Variants in YES1 observed in about 807,000 individuals in gnomAD.
YES1 encodes the protein tyrosine-protein kinase Yes.
In YES1, 39 loss-of-function variants were observed where a neutral mutation model predicts 70.4. The ratio of observed to expected loss-of-function variants is 0.55; its 90% CI spans 0.43 to 0.72. The LOEUF (loss-of-function observed/expected upper bound fraction) is 0.72, where lower values mean the gene tolerates loss of function less well. YES1 is among the 30% of genes least tolerant of loss of function. The probability of loss-of-function intolerance (pLI) is 0.00; values close to 1 mark genes in which losing one functional copy is unlikely to be tolerated. For missense variants in YES1, 495 were observed against 644.8 expected (o/e 0.77, Z 2.52); for synonymous variants, 198 against 218.6 (o/e 0.91, Z 0.83).
chr18:807,057 C>T (rs897493500), intron 1 of YES1, among the ~76,000 whole-genome samples: 2 of 152,148 alleles, frequency 1.3e-5, no homozygotes, highest in Non-Finnish European at 2.9e-5. Context: ...ACTGCTGGAG[C>T]CTAAGAATTT....
At chr18:773,346 C>G (rs773163621) in intron 1 of YES1, among the ~76,000 whole-genome samples, 1 of 152,252 alleles carries the variant, frequency 6.6e-6, no homozygotes, top group South Asian at 2.1e-4. Context: ...TCCTGGATAA[C>G]GGGCAAGAGA....
intron 1 of YES1, among the ~76,000 whole-genome samples, chr18:760,441 G>C (rs1322518197): frequency 6.6e-5 from 10 of 152,120 alleles, no homozygotes; most frequent in African/African-American, 2.4e-4. Context: ...CTGCACTCCA[G>C]CCTGGGTGAA....
chr18:771,151 G>C (rs538442119), intron 1 of YES1, among the ~76,000 whole-genome samples: 2 of 151,788 alleles, frequency 1.3e-5, no homozygotes, highest in African/African-American at 2.4e-5. Context: ...GATCACTTGA[G>C]GTCTCAGGAG....
intron 9 of YES1, chr18:739,493 C>A: frequency 2.9e-6 from 1 of 342,778 alleles, no homozygotes; most frequent in Non-Finnish European, 5.2e-6. Context: ...GTCCTAGCTA[C>A]CCAGGAGGCT....
At chr18:793,754 A>G (rs1461349833) in intron 1 of YES1, among the ~76,000 whole-genome samples, 1 of 152,214 alleles carries the variant, frequency 6.6e-6, no homozygotes, top group Non-Finnish European at 1.5e-5. Flanking sequence ...AATATACCAA[A>G]AATAGTTATA....
intron 10 of YES1, chr18:735,758 C>T (rs528868362): frequency 3.3e-5 from 5 of 152,156 alleles, no homozygotes; most frequent in African/African-American, 1.2e-4. Flanking sequence ...GGGTACAGTG[C>T]AAGATGCTTG....
intron 1 of YES1, among the ~76,000 whole-genome samples, chr18:802,020 T>G (rs1196476771): frequency 6.6e-6 from 1 of 152,230 alleles, no homozygotes; most frequent in Non-Finnish European, 1.5e-5. Context: ...TCTTTTTCAG[T>G]TAATGAATAT....
At chr18:767,195 G>A (rs957727806) in intron 1 of YES1, among the ~76,000 whole-genome samples, 2 of 152,052 alleles carry the variant, frequency 1.3e-5, no homozygotes, top group African/African-American at 4.8e-5. Flanking sequence ...GGCTACTCTG[G>A]CTGGAGTACA....
intron 1 of YES1, among the ~76,000 whole-genome samples, chr18:800,675 A>T (rs986917314): frequency 6.6e-6 from 1 of 152,242 alleles, no homozygotes; most frequent in African/African-American, 2.4e-5. Flanking sequence ...AACTTGACAC[A>T]GTGGCAAAAG....
In YES1 at chr18:804,534, C is replaced by T. The variant is rs181325224; in HGVS notation, c.-9+7580G>A. ...TGAGGCAGGGAGAATTGCTTGAACC[C>T]GGGAGGCAGAGGTTGCAGTGAGCCG... On this transcript the variant is annotated intron_variant, in intron 1 of 11. Coordinates refer to ENST00000314574, the MANE Select transcript of YES1 (RefSeq NM_005433.4). Among the ~76,000 whole-genome samples the T allele has an allele frequency of 1.8e-3, 238 of 136,000 alleles. 1 individual carries two copies. Among genetic ancestry groups the T allele is most frequent in the South Asian group, 5.3e-3 (20 of 3,784 alleles). 89.2% of individuals were successfully genotyped at this position (136,000 alleles called of 152,430 possible). A position where few individuals can be genotyped will look rare whatever the true frequency, so the allele number is the denominator to read the frequency against.
At chr18:808,568 T>C (rs374303694) in intron 1 of YES1, among the ~76,000 whole-genome samples, 6 of 152,362 alleles carry the variant, frequency 3.9e-5, no homozygotes, top group South Asian at 2.1e-4. Flanking sequence ...ACCTAAGCCA[T>C]GTAGGGTTCT....
rs869223956 is a variant in YES1, at chr18:729,619, CTTTTTTTTTTTT to C, written c.1423+3203_1423+3214del. ...AGAGTCTGCTCCTATTGATTTTGAACTTTTTTTTTTTTTTTTTTTTTTTTTGAGACAGAGTCT... is the reference window on the plus strand; with the variant it reads ...AGAGTCTGCTCCTATTGATTTTGAACTTTTTTTTTTTTTGAGACAGAGTCT... On this transcript the variant is annotated intron_variant, in intron 11 of 11. Coordinates refer to ENST00000314574, the MANE Select transcript of YES1 (RefSeq NM_005433.4). Among the ~76,000 whole-genome samples the C allele has an allele frequency of 6.2e-3, 465 of 75,486 alleles. 3 individuals are homozygous for C. Among genetic ancestry groups the C allele is most frequent in the African/African-American group, 0.026 (438 of 17,176 alleles). The allele number at this position is 75,486 out of a possible 152,430, so 49.5% of individuals were successfully genotyped here. A position where few individuals can be genotyped will look rare whatever the true frequency, so the allele number is the denominator to read the frequency against.
intron 11 of YES1, among the ~76,000 whole-genome samples, chr18:731,966 CAAAAAAAA>C (rs1165333694): frequency 6.3e-5 from 5 of 79,968 alleles, no homozygotes; most frequent in African/African-American, 2.0e-4. Context: ...GACTCCATTT[CAAAAAAAA>C]AAAAAAAAAA....
At chr18:785,755 G>A (rs1173894792) in intron 1 of YES1, among the ~76,000 whole-genome samples, 1 of 151,142 alleles carries the variant, frequency 6.6e-6, no homozygotes, top group Non-Finnish European at 1.5e-5. Flanking sequence ...TCTAAGCCCA[G>A]TGAGACCTTG....
At chr18:763,687 G>T (rs1904710838) in intron 1 of YES1, among the ~76,000 whole-genome samples, 2 of 127,662 alleles carry the variant, frequency 1.6e-5, no homozygotes, top group Admixed American at 9.0e-5. Flanking sequence ...CTGGATGACA[G>T]AGGAGATCCT....
chr18:802,840 C>T (rs1323760430), intron 1 of YES1, among the ~76,000 whole-genome samples: 3 of 151,606 alleles, frequency 2.0e-5, no homozygotes, highest in Admixed American at 6.6e-5. Context: ...CCTAGCACTT[C>T]GGGAGGTTGA....
chr18:754,463 T>C (rs1423934389), intron 2 of YES1, among the ~76,000 whole-genome samples: 1 of 152,128 alleles, frequency 6.6e-6, no homozygotes, highest in Admixed American at 6.6e-5. Context: ...TCCCAGCACT[T>C]TGGGAGGCCA....
chr18:749,837 C>T (rs373908907), intron 3 of YES1, among the ~76,000 whole-genome samples: 124 of 143,272 alleles, frequency 8.7e-4, no homozygotes, highest in African/African-American at 3.0e-3. Context: ...TCCAGCCTGG[C>T]GACAGAGCAA....
chr18:757,298 T>C (rs1006515420), intron 1 of YES1, among the ~76,000 whole-genome samples: 6 of 149,730 alleles, frequency 4.0e-5, no homozygotes, highest in South Asian at 2.1e-4. Flanking sequence ...GGTCAGGAGA[T>C]TGAGACCATC....
Sources: allele counts gnomAD v4.1 joint callset (sites outside exome capture counted in the v4.1 genomes callset), GRCh38; gene constraint gnomAD v4.1.1; transcripts MANE v1.5; gene names NCBI Gene and HGNC (gene_info 2026-07-23, HGNC 2026-07-21).